FBXO25: variants seen among roughly 807,000 people sequenced by gnomAD.
FBXO25 encodes the protein F-box only protein 25.
FBXO25 carries 45 observed loss-of-function variants against 51.9 expected under a neutral mutation model. The observed-to-expected ratio is 0.87, with a 90% CI of 0.68 to 1.11. The LOEUF (loss-of-function observed/expected upper bound fraction) is 1.11. FBXO25 is among the 50% of genes most tolerant of loss of function. The pLI, the probability that FBXO25 is intolerant of heterozygous loss-of-function variation, is 0.00. For synonymous variants in FBXO25, 199 were observed against 151.0 expected, an observed-to-expected ratio of 1.32 and a Z score of -2.33; for missense variants, 507 against 428.5, an observed-to-expected ratio of 1.18 and a Z score of -1.62.
intron 9 of FBXO25, chr8:467,956 C>T (rs752362497): frequency 3.3e-5 from 46 of 1,405,924 alleles, no homozygotes; most frequent in African/African-American, 1.9e-4. Flanking sequence ...TGCAGAACAA[C>T]ACCTGAGTGC....
At position 474,296 on chromosome 8, in the gene FBXO25, G is replaced by A. The variant is rs1316222358; in HGVS notation, c.*5492G>A. ...AGGATATGTCAAGATTTCTTTTTAA[G>A]GCTGATTCTATGGATGGACCACATT... is the stretch of plus-strand genomic sequence containing the variant. On this transcript the variant is annotated 3_prime_UTR_variant, in exon 10 of 10. Coordinates refer to ENST00000350302, the MANE Select transcript of FBXO25 (RefSeq NM_183420.2). 1.6e-5 allele frequency: 3 copies of A among 182,742 alleles called. No individual in the cohort carries two copies. Among genetic ancestry groups the A allele is most frequent in the African/African-American group, 7.2e-5 (3 of 41,720 alleles). The allele number at this position is 182,742 out of a possible 1,614,324, so 11.3% of individuals were successfully genotyped here.
intron 8 of FBXO25, among the ~76,000 whole-genome samples, chr8:462,091 T>C (rs1457469844): frequency 6.6e-6 from 1 of 152,242 alleles, no homozygotes; most frequent in African/African-American, 2.4e-5. Flanking sequence ...GCAAAGTGGC[T>C]GCACCATTTC....
intron 2 of FBXO25, among the ~76,000 whole-genome samples, chr8:429,385 C>G (rs1179495630): frequency 2.6e-5 from 4 of 151,898 alleles, no homozygotes; most frequent in Admixed American, 6.6e-5. Flanking sequence ...ATTTTTTAAT[C>G]AAGTTGTTGG....
At chr8:432,386 C>A (rs1445953490) in intron 3 of FBXO25, among the ~76,000 whole-genome samples, 1 of 152,174 alleles carries the variant, frequency 6.6e-6, no homozygotes, top group East Asian at 1.9e-4. Context: ...TGTTTTCAAA[C>A]CAAACCTGAC....
rs1800605011 is a variant in FBXO25 at position 475,179 on chromosome 8, AG to A, written c.*6376del. On this transcript the variant is annotated 3_prime_UTR_variant, in exon 10 of 10. Coordinates refer to ENST00000350302, the MANE Select transcript of FBXO25 (RefSeq NM_183420.2). ...GCTTCATGTGGATGTCCACTTGTCT[AG>A]CACCATTTGTTGAAAAGACTGTCCT... 1 of 334,326 alleles carries A rather than the reference AG, an allele frequency of 3.0e-6. No individual in the cohort carries two copies. Among genetic ancestry groups the A allele is most frequent in the Non-Finnish European group, 5.7e-6 (1 of 174,666 alleles). The allele number at this position is 334,326 out of a possible 1,614,324, so 20.7% of individuals were successfully genotyped here. A position where few individuals can be genotyped will look rare whatever the true frequency, so the allele number is the denominator to read the frequency against.
At chr8:442,545 C>G (rs1399467081) in intron 5 of FBXO25, among the ~76,000 whole-genome samples, 2 of 152,134 alleles carry the variant, frequency 1.3e-5, no homozygotes, top group Non-Finnish European at 2.9e-5. Context: ...TCTTGGCCCA[C>G]TGCAACTTCC....
At chr8:435,444 A>T in intron 4 of FBXO25, 171 bp from the exon 5 acceptor site, 1 of 841,840 alleles carries the variant, frequency 1.2e-6, no homozygotes, top group Non-Finnish European at 1.8e-6. Flanking sequence ...AGCTTAAATT[A>T]TTAGCATTGC....
rs1226823943 is a variant in FBXO25, at chr8:450,004, T to C, written c.396T>C (p.Ile132=). 15 of 1,610,712 alleles carry C rather than the reference T, an allele frequency of 9.3e-6. No homozygotes were observed. Among genetic ancestry groups the C allele is most frequent in the Non-Finnish European group, 1.3e-5 (15 of 1,178,874 alleles). ...TTTCCTTTAAGCTGTTGCAGCTAAT[T>C]GCAAAATCCCAGTTAACTTCATTGA... The part of the protein sequence containing the change: ...FNYVVKLLQL[I]AKSQLTSLSG... Residue 132 remains isoleucine (I), a synonymous_variant, in exon 6 of 10, where the codon ATT becomes ATC. Transcript: ENST00000350302.
rs1800416272 is a variant in FBXO25, at chr8:469,756, T to C, written c.*952T>C. On this transcript the variant is annotated 3_prime_UTR_variant, in exon 10 of 10. Coordinates refer to ENST00000350302, the MANE Select transcript of FBXO25 (RefSeq NM_183420.2). ...GTATGAAAAATCCCCTCAGCAGGCA[T>C]AGGATAGAAACGTATTGTTGTATAT... 1.3e-5 allele frequency: 2 copies of C among 152,288 alleles called. No homozygotes were observed. The highest frequency in any genetic ancestry group is 1.9e-4 in the East Asian group (1 of 5,186). The allele number at this position is 152,288 out of a possible 1,614,324, so 9.4% of individuals were successfully genotyped here.
chr8:456,365 C>A (rs1002030619), intron 7 of FBXO25, among the ~76,000 whole-genome samples: 1 of 152,066 alleles, frequency 6.6e-6, no homozygotes, highest in Non-Finnish European at 1.5e-5. Context: ...GTGAGCCACC[C>A]GGCCTGGCCA....
chr8:444,272 G>A (rs1011730085), intron 5 of FBXO25, among the ~76,000 whole-genome samples: 1 of 152,188 alleles, frequency 6.6e-6, no homozygotes, highest in Non-Finnish European at 1.5e-5. Flanking sequence ...TAAAAATAGA[G>A]GTAGTGGATG....
intron 1 of FBXO25, among the ~76,000 whole-genome samples, chr8:408,244 T>C (rs1178158237): frequency 6.6e-6 from 1 of 152,190 alleles, no homozygotes; most frequent in Non-Finnish European, 1.5e-5. Flanking sequence ...TTTTCTTTCC[T>C]GTGTTGTATT....
rs1800481119 is a variant in FBXO25, at chr8:471,449, A to AGG, written c.*2647_*2648dup. The AGG allele has an allele frequency of 6.6e-6, 1 of 152,230 alleles. No individual in the cohort carries two copies. The highest frequency in any genetic ancestry group is 2.1e-4 in the South Asian group (1 of 4,826). The allele number at this position is 152,230 out of a possible 1,614,324, so 9.4% of individuals were successfully genotyped here. On this transcript the variant is annotated 3_prime_UTR_variant, in exon 10 of 10. Transcript: ENST00000350302. ...TTCTATCAGGGGGCCTTCCAAAAGT[A>AGG]GGGATGCCACTCCTGTGAGATTAAG... is the stretch of plus-strand genomic sequence containing the variant.
chr8:463,541 C>T (rs1398946521), intron 9 of FBXO25, among the ~76,000 whole-genome samples: 3 of 152,172 alleles, frequency 2.0e-5, no homozygotes, highest in Non-Finnish European at 4.4e-5. Context: ...ACTTAGCCCT[C>T]GGCCCTTTAT....
intron 2 of FBXO25, among the ~76,000 whole-genome samples, chr8:421,820 A>T (rs1368029793): frequency 6.6e-6 from 1 of 152,186 alleles, no homozygotes; most frequent in Non-Finnish European, 1.5e-5. Flanking sequence ...AGCCTGTCAG[A>T]TATCAGAAGG....
At position 435,756 on chromosome 8, in the gene FBXO25, A is replaced by G. The variant is rs747803249; in HGVS notation, c.381+49A>G. On this transcript the variant is annotated intron_variant, in intron 5 of 9. Transcript: ENST00000350302. ...ACTTTGATGACTCTTTTGAACAACT[A>G]TATTTTGAAGATTGTAAGTGTACAA... 23 of 1,557,222 alleles carry G rather than the reference A, an allele frequency of 1.5e-5. No homozygotes were observed. In the East Asian group the frequency reaches 1.6e-4, roughly 11 times the overall value.
intron 3 of FBXO25, among the ~76,000 whole-genome samples, chr8:432,168 C>G (rs1457628685): frequency 2.0e-5 from 3 of 152,160 alleles, no homozygotes; most frequent in African/African-American, 7.2e-5. Context: ...TCTTTAAATA[C>G]AAGCACTGTG....
intron 7 of FBXO25, among the ~76,000 whole-genome samples, chr8:455,447 A>C (rs930333352): frequency 6.6e-6 from 1 of 152,200 alleles, no homozygotes; most frequent in Non-Finnish European, 1.5e-5. Context: ...TCAGTGACTC[A>C]CCACATATTG....
At chr8:468,179 G>C (rs918130163) in intron 9 of FBXO25, 1 of 1,016,586 alleles carries the variant, frequency 9.8e-7, no homozygotes, top group East Asian at 1.0e-4. Context: ...TGGATCCTTA[G>C]GTATGTGAGC....
Sources: gnomAD v4.1 joint callset for allele counts (sites outside exome capture counted in the v4.1 genomes callset) on GRCh38, gnomAD v4.1.1 for gene constraint, MANE v1.5 for transcripts, NCBI Gene and HGNC (gene_info 2026-07-23, HGNC 2026-07-21) for gene names.